Variants in FAM13A observed in about 807,000 individuals in gnomAD.
FAM13A encodes protein FAM13A.
In FAM13A, 76 loss-of-function variants were observed where a neutral mutation model predicts 129.6. That is an observed-to-expected ratio of 0.59 (90% CI 0.49 to 0.71). The LOEUF (loss-of-function observed/expected upper bound fraction) is 0.71. FAM13A is among the 30% of genes least tolerant of loss of function. FAM13A has a pLI of 0.00. For synonymous variants in FAM13A, 443 were observed against 449.9 expected, an observed-to-expected ratio of 0.98 and a Z score of 0.20; for missense variants, 1,108 against 1,249.3, an observed-to-expected ratio of 0.89 and a Z score of 1.70.
intron 3 of FAM13A, among the ~76,000 whole-genome samples, chr4:89,011,397 T>C (rs1177649079): frequency 6.6e-6 from 1 of 152,212 alleles, no homozygotes; most frequent in Non-Finnish European, 1.5e-5. Context: ...TAAAAAATTT[T>C]CATTGTCCAC....
intron 4 of FAM13A, among the ~76,000 whole-genome samples, chr4:88,951,767 T>C (rs539817170): frequency 2.6e-4 from 40 of 152,292 alleles, no homozygotes; most frequent in African/African-American, 8.4e-4. Context: ...CTCAAAGAAT[T>C]TGTTTAACCT....
intron 6 of FAM13A, among the ~76,000 whole-genome samples, chr4:88,890,933 C>G (rs1395882799): frequency 6.6e-6 from 1 of 152,012 alleles, no homozygotes; most frequent in Admixed American, 6.6e-5. Context: ...AAATTCAGAA[C>G]AGAAACGTGA....
chr4:88,981,103 C>T (rs1435068945), intron 4 of FAM13A, among the ~76,000 whole-genome samples: 1 of 152,012 alleles, frequency 6.6e-6, no homozygotes, highest in Non-Finnish European at 1.5e-5. Context: ...TTGGTTAGTA[C>T]TGAAACACTT....
intron 1 of FAM13A, among the ~76,000 whole-genome samples, chr4:89,037,748 G>GC (rs1769576214): frequency 6.6e-6 from 1 of 152,148 alleles, no homozygotes; most frequent in South Asian, 2.1e-4. Flanking sequence ...AGACTGGGGG[G>GC]TGGATGGTAA....
chr4:88,860,948 T>C (rs1019598853), intron 6 of FAM13A, among the ~76,000 whole-genome samples: 1 of 152,240 alleles, frequency 6.6e-6, no homozygotes, highest in African/African-American at 2.4e-5. Flanking sequence ...TGTTGTCATA[T>C]ATATAGGTGA....
chr4:88,929,031 A>G lies in FAM13A; in HGVS notation c.759+9057T>C, dbSNP rs1752645519. Among the ~76,000 whole-genome samples, 3 of 152,022 alleles carry G rather than the reference A, an allele frequency of 2.0e-5. No individual in the cohort carries two copies. The South Asian group carries it at 6.2e-4, about 32-fold the overall frequency. ...TCATGATGGTGAATATTAACTTTTC[A>G]TTTCCATTTTTAAGACGCCTTTGGC... On this transcript the variant is annotated intron_variant, in intron 5 of 23. Coordinates refer to ENST00000264344, the MANE Select transcript of FAM13A (RefSeq NM_014883.4).
chr4:88,823,029 A>G (rs1433531897), intron 7 of FAM13A: 3 of 1,613,562 alleles, frequency 1.9e-6, no homozygotes, highest in South Asian at 1.1e-5. Context: ...TTGCAAGGGA[A>G]TCTCACAACT....
At chr4:88,747,564 A>T in intron 18 of FAM13A, 67 bp downstream of exon 18, 3 of 1,298,142 alleles carry the variant, frequency 2.3e-6, no homozygotes, top group Non-Finnish European at 3.3e-6. Flanking sequence ...TTCACGTGGC[A>T]TGCCCTGTGT....
At chr4:88,984,186 C>A (rs1761963875) in intron 4 of FAM13A, among the ~76,000 whole-genome samples, 1 of 152,068 alleles carries the variant, frequency 6.6e-6, no homozygotes, top group Non-Finnish European at 1.5e-5. Context: ...ACAGTCATAA[C>A]TAAAAAACTC....
intron 13 of FAM13A, among the ~76,000 whole-genome samples, chr4:88,760,787 A>C (rs1255203866): frequency 2.0e-5 from 3 of 151,658 alleles, no homozygotes; most frequent in Non-Finnish European, 4.4e-5. Flanking sequence ...TCTAGTTCTC[A>C]GCTTTTTAAA....
chr4:88,888,092 C>T (rs1051142013), intron 6 of FAM13A, among the ~76,000 whole-genome samples: 1 of 152,164 alleles, frequency 6.6e-6, no homozygotes, highest in African/African-American at 2.4e-5. Flanking sequence ...ATCAACTCTG[C>T]TCAAAGCATA....
At chr4:88,979,965 A>C (rs1188424467) in intron 4 of FAM13A, among the ~76,000 whole-genome samples, 2 of 152,136 alleles carry the variant, frequency 1.3e-5, no homozygotes, top group Non-Finnish European at 2.9e-5. Flanking sequence ...CAACTCAAAA[A>C]ACCAAAAAGT....
At chr4:88,937,830 A>G (rs1259640597) in intron 5 of FAM13A, 8 of 534,274 alleles carry the variant, frequency 1.5e-5, no homozygotes, top group Non-Finnish European at 2.7e-5. Flanking sequence ...TGATCAGAGC[A>G]CTGGGCTCAT....
At chr4:89,012,086 GAGA>G (rs1765809979) in intron 3 of FAM13A, among the ~76,000 whole-genome samples, 1 of 152,026 alleles carries the variant, frequency 6.6e-6, no homozygotes, top group African/African-American at 2.4e-5. Context: ...ATTTATATTA[GAGA>G]AGAATTTTCC....
chr4:88,837,433 T>C (rs1735005746), intron 7 of FAM13A, among the ~76,000 whole-genome samples: 1 of 151,600 alleles, frequency 6.6e-6, no homozygotes, highest in Non-Finnish European at 1.5e-5. Context: ...TAGTCAGCCT[T>C]TGCCGGGCAC....
At chr4:88,783,228 C>T (rs1428628657) in intron 10 of FAM13A, among the ~76,000 whole-genome samples, 1 of 152,068 alleles carries the variant, frequency 6.6e-6, no homozygotes, top group Non-Finnish European at 1.5e-5. Flanking sequence ...CTTTTGCAAA[C>T]TATGTTTTCG....
chr4:88,979,052 CAAGG>C (rs1252596453), intron 4 of FAM13A, among the ~76,000 whole-genome samples: 1 of 152,052 alleles, frequency 6.6e-6, no homozygotes, highest in Admixed American at 6.6e-5. Flanking sequence ...TAAGAAAACT[CAAGG>C]AAGAGAGTGA....
chr4:88,880,482 C>T (rs572100256), intron 6 of FAM13A, among the ~76,000 whole-genome samples: 21 of 152,080 alleles, frequency 1.4e-4, no homozygotes, highest in Non-Finnish European at 2.8e-4. Flanking sequence ...TCATAGGGGT[C>T]CTTGGGCAGG....
chr4:88,948,520 A>C (rs1756333901), intron 4 of FAM13A, among the ~76,000 whole-genome samples: 1 of 150,496 alleles, frequency 6.6e-6, no homozygotes, highest in African/African-American at 2.5e-5. Flanking sequence ...ACAGAGTCTC[A>C]CTCTATCACC....
Sources: gnomAD v4.1 joint callset for allele counts (sites outside exome capture counted in the v4.1 genomes callset) on GRCh38, gnomAD v4.1.1 for gene constraint, MANE v1.5 for transcripts, NCBI Gene and HGNC (gene_info 2026-07-23, HGNC 2026-07-21) for gene names.